Variants in MYO18B observed in about 807,000 individuals in gnomAD.
MYO18B encodes myosin XVIIIB, also known as unconventional myosin-XVIIIb.
Under a neutral mutation model 273.0 loss-of-function variants are expected in MYO18B, and 204 were observed. The observed-to-expected ratio is 0.75, with a 90% CI of 0.67 to 0.84. The LOEUF is 0.84. Ranked by LOEUF, MYO18B falls within the 40% of genes least tolerant of loss-of-function variation. MYO18B has a pLI of 0.00. For missense variants in MYO18B, 3,212 were observed against 3,287.6 expected, an observed-to-expected ratio of 0.98 and a Z score of 0.56; for synonymous variants, 1,330 against 1,305.7, an observed-to-expected ratio of 1.02 and a Z score of -0.40.
chr22:25,762,170 G>C (rs1407719453), intron 2 of MYO18B, among the ~76,000 whole-genome samples: 1 of 152,162 alleles, frequency 6.6e-6, no homozygotes, highest in Non-Finnish European at 1.5e-5. Flanking sequence ...ACATCAGGAA[G>C]GAAAGAAGGG....
intron 34 of MYO18B, among the ~76,000 whole-genome samples, chr22:25,939,064 C>T (rs887183745): frequency 1.3e-5 from 2 of 152,192 alleles, no homozygotes; most frequent in Non-Finnish European, 2.9e-5. Flanking sequence ...ATGCTCCCAC[C>T]TCGGCCTCAC....
intron 5 of MYO18B, among the ~76,000 whole-genome samples, chr22:25,770,636 G>C (rs150916254): frequency 4.6e-5 from 7 of 152,166 alleles, no homozygotes; most frequent in Admixed American, 3.9e-4. Flanking sequence ...CTCTGTGCCT[G>C]GCACTGTGAC....
At chr22:25,801,782 G>A (rs1475917276) in intron 12 of MYO18B, among the ~76,000 whole-genome samples, 1 of 152,154 alleles carries the variant, frequency 6.6e-6, no homozygotes, top group African/African-American at 2.4e-5. Context: ...GAGGGGTGAG[G>A]ACTGTTACGA....
chr22:25,879,297 G>A (rs537773884), intron 25 of MYO18B, among the ~76,000 whole-genome samples: 42 of 143,856 alleles, frequency 2.9e-4, no homozygotes, highest in African/African-American at 1.1e-3. Context: ...ATAGTTTCCT[G>A]ATCCTTAAAC....
intron 17 of MYO18B, among the ~76,000 whole-genome samples, chr22:25,839,324 G>C (rs911229289): frequency 6.6e-6 from 1 of 152,130 alleles, no homozygotes; most frequent in Non-Finnish European, 1.5e-5. Context: ...GAAAGCAAAC[G>C]TGCCTAGGGC....
chr22:25,829,945 C>T (rs551406313), intron 15 of MYO18B, among the ~76,000 whole-genome samples: 249 of 152,232 alleles, frequency 1.6e-3, no homozygotes, highest in African/African-American at 5.7e-3. Flanking sequence ...AATGAACATA[C>T]GTGTGTCTCT....
chr22:25,776,066 C>T (rs1426599061), intron 7 of MYO18B, among the ~76,000 whole-genome samples: 1 of 152,172 alleles, frequency 6.6e-6, no homozygotes, highest in Non-Finnish European at 1.5e-5. Flanking sequence ...AAGTTCTACC[C>T]CTGGTAGCCA....
intron 39 of MYO18B, among the ~76,000 whole-genome samples, chr22:25,959,657 A>G (rs2092896407): frequency 6.6e-6 from 1 of 152,162 alleles, no homozygotes; most frequent in Admixed American, 6.5e-5. Flanking sequence ...TCATTTATTC[A>G]TTCCATCAAC....
In MYO18B at chr22:25,971,317, C is replaced by T. The variant is rs76763386; in HGVS notation, c.6156+15953C>T. Reference sequence around the variant, plus strand: ...GCAGAGCTGGGTTTAAATCTTGTCTCGATCTCTTTCAGGCACCTGTCCTCT... The same window carrying T: ...GCAGAGCTGGGTTTAAATCTTGTCTTGATCTCTTTCAGGCACCTGTCCTCT... On this transcript the variant is annotated intron_variant, in intron 39 of 43. Coordinates refer to ENST00000335473, the MANE Select transcript of MYO18B (RefSeq NM_032608.7). 6.4e-3 allele frequency among the ~76,000 whole-genome samples: 969 copies of T among 152,302 alleles called. 25 individuals carry two copies. The highest frequency in any genetic ancestry group is 0.053 in the East Asian group (276 of 5,184).
At chr22:25,973,406 G>A (rs922173446) in intron 39 of MYO18B, among the ~76,000 whole-genome samples, 1 of 152,202 alleles carries the variant, frequency 6.6e-6, no homozygotes, top group African/African-American at 2.4e-5. Flanking sequence ...ACGTAGGACA[G>A]AACCCAGTGG....
At chr22:25,815,932 C>T (rs12158785) in intron 12 of MYO18B, among the ~76,000 whole-genome samples, 14 of 152,230 alleles carry the variant, frequency 9.2e-5, no homozygotes, top group African/African-American at 3.4e-4. Flanking sequence ...GGCAATGATT[C>T]ATGTTGGATT....
At chr22:26,058,938 G>GT in the MYO18B span, among the ~76,000 whole-genome samples, 1 of 152,184 alleles carries the variant, frequency 6.6e-6, no homozygotes, top group Admixed American at 6.5e-5. Flanking sequence ...AGATTTAAGG[G>GT]TGGAAGGAGC....
At chr22:25,952,072 C>T (rs145793004) in intron 37 of MYO18B, among the ~76,000 whole-genome samples, 1 of 152,148 alleles carries the variant, frequency 6.6e-6, no homozygotes, top group Admixed American at 6.5e-5. Context: ...CACCTGAGAC[C>T]CAGGATCAGG....
At chr22:25,871,115 G>A (rs1217531163) in intron 22 of MYO18B, among the ~76,000 whole-genome samples, 1 of 152,172 alleles carries the variant, frequency 6.6e-6, no homozygotes, top group Non-Finnish European at 1.5e-5. Context: ...AGCATCTTAC[G>A]CATTGCAGGA....
At chr22:25,983,050 T>C (rs184679872) in intron 39 of MYO18B, among the ~76,000 whole-genome samples, 1 of 152,216 alleles carries the variant, frequency 6.6e-6, no homozygotes, top group African/African-American at 2.4e-5. Context: ...TCTGTAATCC[T>C]GCACTTGATT....
intron 24 of MYO18B, 28 bp from the exon 25 acceptor site, chr22:25,877,931 G>A (rs1005168392): frequency 1.3e-6 from 2 of 1,549,108 alleles, no homozygotes; most frequent in African/African-American, 1.4e-5. Context: ...GCCTGGAATG[G>A]TTTCTGTTCA....
Position 25,883,420 on chromosome 22 carries a change from T to G in MYO18B, c.4314+5372T>G, listed in dbSNP as rs1045387731. 1.3e-5 allele frequency: 2 copies of G among 152,230 alleles called. No individual in the cohort carries two copies. The highest frequency in any genetic ancestry group is 3.8e-4 in the East Asian group (2 of 5,200). 9.4% of individuals were successfully genotyped at this position (152,230 alleles called of 1,614,324 possible). On this transcript the variant is annotated intron_variant, in intron 25 of 43. Transcript: ENST00000335473. The surrounding 1 kb of genome is among the most constrained non-coding windows in gnomAD (Gnocchi z 7.6). Reference sequence around the variant, plus strand: ...CTGTAAGACTTCTCCGAATACAGATTGCTAGACTCCAGCCTTAGAGATTCT... The same window carrying G: ...CTGTAAGACTTCTCCGAATACAGATGGCTAGACTCCAGCCTTAGAGATTCT...
chr22:25,780,942 T>G (rs2087123469), intron 9 of MYO18B, among the ~76,000 whole-genome samples: 1 of 152,154 alleles, frequency 6.6e-6, no homozygotes, highest in Admixed American at 6.5e-5. Context: ...CTCCTCCCCG[T>G]CTCCCTCAAA....
At chr22:25,943,601 A>G (rs1347585467) in intron 34 of MYO18B, among the ~76,000 whole-genome samples, 3 of 151,962 alleles carry the variant, frequency 2.0e-5, no homozygotes, top group Admixed American at 6.6e-5. Flanking sequence ...TCTGTTCCTC[A>G]GCACCACCGT....
Sources: gnomAD v4.1 joint callset for allele counts (sites outside exome capture counted in the v4.1 genomes callset) on GRCh38, gnomAD v4.1.1 for gene constraint, Gnocchi (gnomAD v3.1) non-coding constraint, MANE v1.5 for transcripts, NCBI Gene and HGNC (gene_info 2026-07-23, HGNC 2026-07-21) for gene names.